Variants in FAM3B observed in about 807,000 individuals in gnomAD.
FAM3B encodes FAM3 metabolism regulating signaling molecule B, also known as protein FAM3B.
Under a neutral mutation model 28.4 loss-of-function variants are expected in FAM3B, and 29 were observed. The observed-to-expected ratio is 1.02, with a 90% CI of 0.76 to 1.39. The LOEUF is 1.39. FAM3B is among the 40% of genes most tolerant of loss of function. The pLI, the probability that FAM3B is intolerant of heterozygous loss-of-function variation, is 0.00. For synonymous variants in FAM3B, 91 were observed against 103.0 expected (o/e 0.88, Z 0.71); for missense variants, 266 against 293.9 (o/e 0.91, Z 0.69).
chr21:41,314,972 G>C (rs771350157), upstream of FAM3B, among the ~76,000 whole-genome samples: 1 of 152,148 alleles, frequency 6.6e-6, no homozygotes, highest in African/African-American at 2.4e-5. Flanking sequence ...ATCCAGAAGA[G>C]ATATTTGCAC....
intron 6 of FAM3B, among the ~76,000 whole-genome samples, chr21:41,347,928 A>C (rs1568922735): frequency 6.6e-6 from 1 of 152,258 alleles, no homozygotes; most frequent in East Asian, 1.9e-4. Flanking sequence ...TGTGTGGTGA[A>C]TTTCCCAGAC....
chr21:41,340,465 T>C (rs968153947), intron 3 of FAM3B, among the ~76,000 whole-genome samples: 1 of 152,152 alleles, frequency 6.6e-6, no homozygotes, highest in African/African-American at 2.4e-5. Context: ...GTTGTCCTTT[T>C]ATAAGGAACC....
chr21:41,335,850 G>A (rs1331811097), intron 2 of FAM3B, among the ~76,000 whole-genome samples: 1 of 152,160 alleles, frequency 6.6e-6, no homozygotes, highest in Non-Finnish European at 1.5e-5. Context: ...TTCCATGTGT[G>A]CTTGAGAAGA....
chr21:41,355,012 T>G (rs1414034511), intron 7 of FAM3B, among the ~76,000 whole-genome samples: 2 of 152,174 alleles, frequency 1.3e-5, no homozygotes, highest in Non-Finnish European at 2.9e-5. Flanking sequence ...TGGACAAAGT[T>G]GTGAATAGAT....
At chr21:41,337,825 ACAT>A (rs1159189147) in intron 2 of FAM3B, among the ~76,000 whole-genome samples, 4 of 151,286 alleles carry the variant, frequency 2.6e-5, no homozygotes, top group Non-Finnish European at 5.9e-5. Flanking sequence ...TGTGTGTGAT[ACAT>A]CATGTGGTGT....
chr21:41,336,696 T>A (rs1276277553), intron 2 of FAM3B, among the ~76,000 whole-genome samples: 1 of 152,220 alleles, frequency 6.6e-6, no homozygotes, highest in Non-Finnish European at 1.5e-5. Flanking sequence ...CTACTATTAT[T>A]GTATTACAGT....
At chr21:41,345,096 G>C (rs2089044009) in intron 4 of FAM3B, among the ~76,000 whole-genome samples, 2 of 152,238 alleles carry the variant, frequency 1.3e-5, no homozygotes. Context: ...TGGAAGTGAA[G>C]ATAAAATGCT....
chr21:41,339,339 A>G (rs1344073935), intron 3 of FAM3B, among the ~76,000 whole-genome samples: 2 of 152,220 alleles, frequency 1.3e-5, no homozygotes, highest in Middle Eastern at 3.4e-3. Flanking sequence ...TTTACAGCAT[A>G]GCTAAACTCA....
chr21:41,336,533 G>C (rs1057277919), intron 2 of FAM3B, among the ~76,000 whole-genome samples: 1 of 152,122 alleles, frequency 6.6e-6, no homozygotes, highest in Non-Finnish European at 1.5e-5. Context: ...AAAGAAACAA[G>C]AAGTTTAAGA....
intron 2 of FAM3B, among the ~76,000 whole-genome samples, chr21:41,324,850 G>A (rs1247137520): frequency 1.3e-5 from 2 of 152,078 alleles, no homozygotes; most frequent in South Asian, 4.1e-4. Flanking sequence ...ACCTATAATC[G>A]CAGCACTTTG....
At chr21:41,321,999 G>A (rs935672072) in intron 1 of FAM3B, among the ~76,000 whole-genome samples, 1 of 151,474 alleles carries the variant, frequency 6.6e-6, no homozygotes, top group Non-Finnish European at 1.5e-5. Context: ...TCTTAGGACT[G>A]TCCCTATTAG....
At position 41,322,889 on chromosome 21, in the gene FAM3B, C is replaced by T. The variant is rs371492584; in HGVS notation, c.20-34C>T. On this transcript the variant is annotated intron_variant, in intron 1 of 7. Coordinates refer to ENST00000357985, the MANE Select transcript of FAM3B (RefSeq NM_058186.4). ...CCAAGGGCCAGGGCCGCCACCAAGT[C>T]GTTCACAGCAGCTGCTTGGTGTCCT... 4.5e-5 allele frequency: 72 copies of T among 1,614,178 alleles called. No individual in the cohort carries two copies. In the East Asian group the frequency reaches 7.4e-4, roughly 16 times the overall value.
chr21:41,328,401 T>C (rs752803266), intron 2 of FAM3B, among the ~76,000 whole-genome samples: 15 of 152,078 alleles, frequency 9.9e-5, no homozygotes, highest in Non-Finnish European at 2.1e-4. Context: ...AGACAGAGTG[T>C]CCAAAAATCT....
At chr21:41,310,962 C>T (rs537624243) in intron 1 of FAM3B, among the ~76,000 whole-genome samples, 51 of 151,798 alleles carry the variant, frequency 3.4e-4, no homozygotes, top group Admixed American at 2.7e-3. Flanking sequence ...ATAAGTTGTT[C>T]CAAATCTGTT....
At chr21:41,324,894 G>A (rs1363297659) in intron 2 of FAM3B, among the ~76,000 whole-genome samples, 2 of 152,182 alleles carry the variant, frequency 1.3e-5, no homozygotes, top group East Asian at 3.9e-4. Flanking sequence ...CTGAGGTCAA[G>A]AGTTCCAGAC....
At chr21:41,346,917 T>A in intron 5 of FAM3B, 96 bp from the exon 6 acceptor site, 2 of 1,076,532 alleles carry the variant, frequency 1.9e-6, no homozygotes, top group South Asian at 2.5e-5. Context: ...GGATTCAGAA[T>A]GGACACAGAA....
At chr21:41,339,490 G>A (rs114879372) in intron 3 of FAM3B, among the ~76,000 whole-genome samples, 243 of 152,234 alleles carry the variant, frequency 1.6e-3, no homozygotes, top group African/African-American at 5.6e-3. Context: ...TTAGTGGACA[G>A]AACCAAGCAA....
At chr21:41,332,121 C>T (rs996889018) in intron 2 of FAM3B, among the ~76,000 whole-genome samples, 6 of 152,188 alleles carry the variant, frequency 3.9e-5, no homozygotes, top group Admixed American at 2.0e-4. Context: ...GAGATCTGGT[C>T]ATTTAAAAGT....
chr21:41,346,588 C>T (rs2838016), intron 5 of FAM3B, among the ~76,000 whole-genome samples: 16,217 of 151,992 alleles, frequency 0.11, 933 homozygotes, highest in Middle Eastern at 0.14. Context: ...GTGGGTGTGG[C>T]CCTTTATCAG....
Sources: gnomAD v4.1 joint callset for allele counts (sites outside exome capture counted in the v4.1 genomes callset) on GRCh38, gnomAD v4.1.1 for gene constraint, MANE v1.5 for transcripts, NCBI Gene and HGNC (gene_info 2026-07-23, HGNC 2026-07-21) for gene names.